The following TARBP1 variants were observed in gnomAD, a reference collection of about 807,000 sequenced individuals.
TARBP1 encodes tRNA guanosine 2 -O-methyltransferase TARBP1, also known as tRNA (guanosine(18)-2'-O)-methyltransferase TARBP1.
Under a neutral mutation model 178.6 loss-of-function variants are expected in TARBP1, and 144 were observed. The observed-to-expected ratio is 0.81, with a 90% CI of 0.70 to 0.93. The LOEUF (loss-of-function observed/expected upper bound fraction) is 0.93, where lower values mean the gene tolerates loss of function less well. TARBP1 is among the 40% of genes least tolerant of loss of function. TARBP1 has a pLI of 0.00. For synonymous variants in TARBP1, 787 were observed against 781.0 expected, an observed-to-expected ratio of 1.01 and a Z score of -0.13; for missense variants, 2,067 against 2,011.7, an observed-to-expected ratio of 1.03 and a Z score of -0.53.
chr1:234,463,015 T>A (rs966354506), intron 6 of TARBP1, among the ~76,000 whole-genome samples: 6 of 152,208 alleles, frequency 3.9e-5, no homozygotes, highest in Non-Finnish European at 8.8e-5. Flanking sequence ...AAAATCACAG[T>A]GCTTTTGTGC....
At chr1:234,429,759 A>T in intron 15 of TARBP1, 82 bp from the exon 16 acceptor site, 1 of 776,324 alleles carries the variant, frequency 1.3e-6, no homozygotes, top group Non-Finnish European at 1.8e-6. Context: ...TATCCTTTCT[A>T]AAGGTGGGGG....
chr1:234,392,285 G>T, intron 29 of TARBP1, 131 bp downstream of exon 29: 1 of 1,166,902 alleles, frequency 8.6e-7, no homozygotes, highest in Non-Finnish European at 1.2e-6. Context: ...GTAGTGAGCC[G>T]AGATTGTGCC....
rs1668580764 is a variant in TARBP1, at chr1:234,467,623, T to G, written c.1127A>C (p.His376Pro). 4.4e-6 allele frequency: 7 copies of G among 1,601,520 alleles called. No homozygotes were observed. Among genetic ancestry groups the G allele is most frequent in the Non-Finnish European group, 8.5e-7 (1 of 1,176,706 alleles). The change falls in exon 4 of 30, where the codon CAT (histidine) becomes CCT (proline). Residue 376 changes from histidine to proline, a missense_variant. By Grantham distance (77) the His-to-Pro change is moderately conservative. Transcript: ENST00000040877. ...NGCWLFHPSW[H>P]MCIYKRMFES... ...AAACATTCTTTTATAAATACACATATGCCAGGATGGGTGAAAGAGCCAACA... is the reference window on the plus strand; with the variant it reads ...AAACATTCTTTTATAAATACACATAGGCCAGGATGGGTGAAAGAGCCAACA...
In TARBP1 at chr1:234,425,666, C is replaced by T. The variant is rs199834516; in HGVS notation, c.3444+7G>A. 2.0e-4 allele frequency: 319 copies of T among 1,608,992 alleles called. No individual in the cohort carries two copies. The highest frequency in any genetic ancestry group is 2.4e-4 in the Non-Finnish European group (280 of 1,177,976). On this transcript the variant is annotated splice_region_variant and intron_variant, in intron 20 of 29. Coordinates refer to ENST00000040877, the MANE Select transcript of TARBP1 (RefSeq NM_005646.4). ...AACAAAGATAATTTAAAGTAAAATACACTTACTTTATCTAATAGCTTGATT... is the reference window on the plus strand; with the variant it reads ...AACAAAGATAATTTAAAGTAAAATATACTTACTTTATCTAATAGCTTGATT...
intron 6 of TARBP1, among the ~76,000 whole-genome samples, chr1:234,463,252 T>C (rs1226934184): frequency 1.3e-5 from 2 of 152,114 alleles, no homozygotes; most frequent in African/African-American, 4.8e-5. Context: ...GCCTCCCAAG[T>C]AGCTGGGACT....
At chr1:234,471,872 ATTAT>A (rs1224973848) in intron 2 of TARBP1, among the ~76,000 whole-genome samples, 1 of 147,806 alleles carries the variant, frequency 6.8e-6, no homozygotes, top group Non-Finnish European at 1.5e-5. Context: ...CATATAAGTA[ATTAT>A]TTAAGTCCAC....
intron 21 of TARBP1, 103 bp downstream of exon 21, chr1:234,420,599 A>T (rs1662972331): frequency 3.1e-6 from 2 of 643,252 alleles, no homozygotes; most frequent in Non-Finnish European, 4.7e-6. Context: ...AATTTTAAAC[A>T]TTATCTTTTT....
chr1:234,443,469 T>A lies in TARBP1; in HGVS notation c.2134+3334A>T, dbSNP rs966977160. Among the ~76,000 whole-genome samples, 41 of 152,232 alleles carry A rather than the reference T, an allele frequency of 2.7e-4. 1 individual carries two copies. The highest frequency in any genetic ancestry group is 2.4e-3 in the Admixed American group (37 of 15,290). ...GATGGCTATTATTTTTAAAAGCCCA[T>A]TAACGAGTGTTGGAGAGGATGTGGA... On this transcript the variant is annotated intron_variant, in intron 12 of 29. Transcript: ENST00000040877.
In TARBP1 at chr1:234,433,643, G is replaced by A. The variant is rs998057296; in HGVS notation, c.2233-72C>T. 2.8e-6 allele frequency: 4 copies of A among 1,440,464 alleles called. No homozygotes were observed. The Admixed American group carries it at 8.9e-5, about 32-fold the overall frequency. 89.2% of individuals were successfully genotyped at this position (1,440,464 alleles called of 1,614,324 possible). ...TTTTCACAAAACTACAAGCCTTCAG[G>A]CAGGAGAAGTTTACTTAAAGGACCA... On this transcript the variant is annotated intron_variant, in intron 13 of 29. Transcript: ENST00000040877.
chr1:234,424,134 T>C (rs1434509673), intron 20 of TARBP1, among the ~76,000 whole-genome samples: 1 of 152,216 alleles, frequency 6.6e-6, no homozygotes, highest in Non-Finnish European at 1.5e-5. Flanking sequence ...AAAAGTATGA[T>C]GAATACTCCT....
At chr1:234,475,734 G>C (rs190777877) in intron 1 of TARBP1, among the ~76,000 whole-genome samples, 355 of 152,350 alleles carry the variant, frequency 2.3e-3, no homozygotes, top group African/African-American at 7.9e-3. Context: ...TTGCACCAGG[G>C]AACAAGCATC....
At chr1:234,463,327 T>C (rs1668095466) in intron 6 of TARBP1, among the ~76,000 whole-genome samples, 1 of 152,200 alleles carries the variant, frequency 6.6e-6, no homozygotes, top group South Asian at 2.1e-4. Context: ...TTTCGCTGTG[T>C]TGGCCAGGTT....
At chr1:234,476,581 T>C (rs894065725) in intron 1 of TARBP1, among the ~76,000 whole-genome samples, 10 of 152,158 alleles carry the variant, frequency 6.6e-5, no homozygotes, top group African/African-American at 2.2e-4. Flanking sequence ...GTGGTAAGTA[T>C]AGAAAGAACC....
chr1:234,448,265 T>C (rs1238633008), intron 11 of TARBP1, among the ~76,000 whole-genome samples: 3 of 152,220 alleles, frequency 2.0e-5, no homozygotes, highest in Non-Finnish European at 4.4e-5. Context: ...ATTGTTAAGT[T>C]TAACATTTAA....
chr1:234,391,764 G>GA lies in TARBP1; in HGVS notation c.4698-20dup, dbSNP rs752787122. On this transcript the variant is annotated intron_variant, in intron 29 of 29. Coordinates refer to ENST00000040877, the MANE Select transcript of TARBP1 (RefSeq NM_005646.4). ...TTCATTTCTGAGGAAGAAAATGGAA[G>GA]AAAGATTAGTTTTCCTGTAACAAAC... 1.2e-6 allele frequency: 2 copies of GA among 1,606,502 alleles called. No homozygotes were observed. Among genetic ancestry groups the GA allele is most frequent in the East Asian group, 4.5e-5 (2 of 44,794 alleles).
chr1:234,475,634 C>T (rs577633418), intron 1 of TARBP1, among the ~76,000 whole-genome samples: 1 of 152,334 alleles, frequency 6.6e-6, no homozygotes, highest in East Asian at 1.9e-4. Flanking sequence ...GGAGCACAGA[C>T]AGCGAAAGAG....
chr1:234,421,214 G>C lies in TARBP1; in HGVS notation c.3445-402C>G, dbSNP rs529451516. ...AGCAATTCTCCTGCCTCAGCCTCCC[G>C]AGTAGCTGGGACTACAGGCGCCCGC... On this transcript the variant is annotated intron_variant, in intron 20 of 29. Coordinates refer to ENST00000040877, the MANE Select transcript of TARBP1 (RefSeq NM_005646.4). Among the ~76,000 whole-genome samples, 254 of 151,952 alleles carry C rather than the reference G, an allele frequency of 1.7e-3. 1 individual carries two copies. The highest frequency in any genetic ancestry group is 5.9e-3 in the African/African-American group (243 of 41,432).
chr1:234,429,601 G>A lies in TARBP1; in HGVS notation c.2686C>T (p.Leu896Phe), dbSNP rs1210927526. 1 of 1,614,072 alleles carries A rather than the reference G, an allele frequency of 6.2e-7. No homozygotes were observed. Among genetic ancestry groups the A allele is most frequent in the Non-Finnish European group, 8.5e-7 (1 of 1,179,990 alleles). ...AQYIHDQWVC[L>F]SFLLKKYHTL... ...TGATATTTTTTCAACAGGAAAGAGAGGCACACCCATTGATCATGAATATAT... is the reference window on the plus strand; with the variant it reads ...TGATATTTTTTCAACAGGAAAGAGAAGCACACCCATTGATCATGAATATAT... Residue 896 changes from leucine (L) to phenylalanine (F), a missense_variant, in exon 16 of 30, where the codon CTC becomes TTC. By Grantham distance (22) the Leu-to-Phe change is conservative. Coordinates refer to ENST00000040877, the MANE Select transcript of TARBP1 (RefSeq NM_005646.4).
At chr1:234,435,114 C>T (rs1029359480) in intron 13 of TARBP1, among the ~76,000 whole-genome samples, 2 of 152,100 alleles carry the variant, frequency 1.3e-5, no homozygotes, top group Non-Finnish European at 2.9e-5. Flanking sequence ...GGACATAGGG[C>T]GCTAGAAGGG....
Sources: allele counts gnomAD v4.1 joint callset (sites outside exome capture counted in the v4.1 genomes callset), GRCh38; gene constraint gnomAD v4.1.1; transcripts MANE v1.5; gene names NCBI Gene and HGNC (gene_info 2026-07-23, HGNC 2026-07-21).